The following GRIA4 variants were observed in gnomAD, a reference collection of about 807,000 sequenced individuals.
GRIA4 encodes glutamate receptor 4.
A neutral mutation model predicts 104.0 loss-of-function variants in GRIA4; 34 were observed. The ratio of observed to expected loss-of-function variants is 0.33; its 90% CI spans 0.25 to 0.44. The LOEUF is 0.44. Ranked by LOEUF, GRIA4 falls within the 20% of genes least tolerant of loss-of-function variation. The pLI is 1.00. For missense variants in GRIA4, 750 were observed against 1,096.5 expected, an observed-to-expected ratio of 0.68 and a Z score of 4.46; for synonymous variants, 386 against 381.9, an observed-to-expected ratio of 1.01 and a Z score of -0.13.
intron 11 of GRIA4, among the ~76,000 whole-genome samples, chr11:105,919,172 T>A (rs1006991528): frequency 1.3e-5 from 2 of 152,092 alleles, no homozygotes; most frequent in African/African-American, 4.8e-5. Context: ...TTTTTTTAAT[T>A]GACTTCAGGA....
At chr11:105,876,294 T>G (rs973881358) in intron 5 of GRIA4, among the ~76,000 whole-genome samples, 2 of 152,316 alleles carry the variant, frequency 1.3e-5, no homozygotes, top group African/African-American at 4.8e-5. Context: ...TGTTATGATT[T>G]TTGTTCTTTT....
intron 10 of GRIA4, chr11:105,912,472 G>T: frequency 1.1e-6 from 1 of 934,730 alleles, no homozygotes; most frequent in Non-Finnish European, 1.3e-6. Flanking sequence ...TAGGAAGCAT[G>T]CTATCAAAAA....
At chr11:105,849,953 G>A (rs1224933716) in intron 4 of GRIA4, among the ~76,000 whole-genome samples, 1 of 152,134 alleles carries the variant, frequency 6.6e-6, no homozygotes, top group Non-Finnish European at 1.5e-5. Flanking sequence ...AAACTTGCCA[G>A]TTTTAGAGGT....
chr11:105,905,670 C>T (rs561671882), intron 9 of GRIA4, among the ~76,000 whole-genome samples: 23 of 152,268 alleles, frequency 1.5e-4, no homozygotes, highest in African/African-American at 5.3e-4. Context: ...ATTATTAGAG[C>T]AAGTACAAAC....
Position 105,764,034 on chromosome 11 carries a change from T to C in GRIA4, c.487+10814T>C, listed in dbSNP as rs527415796. On this transcript the variant is annotated intron_variant, in intron 4 of 16. Coordinates refer to ENST00000282499, the MANE Select transcript of GRIA4 (RefSeq NM_000829.4). ...CCCAAACACAATCTTGAAAGGACAA[T>C]TCAGAAATAGTACATAGAATCTGAA... 1.2e-4 allele frequency among the ~76,000 whole-genome samples: 19 copies of C among 152,346 alleles called. No individual in the cohort carries two copies. In the South Asian group the frequency reaches 3.7e-3, roughly 30 times the overall value.
At chr11:105,841,391 C>T (rs1382378781) in intron 4 of GRIA4, among the ~76,000 whole-genome samples, 1 of 152,060 alleles carries the variant, frequency 6.6e-6, no homozygotes, top group Non-Finnish European at 1.5e-5. Flanking sequence ...GCAGAAGGGG[C>T]CAGTTCAGCC....
chr11:105,696,603 T>C (rs1953285736), intron 3 of GRIA4, among the ~76,000 whole-genome samples: 1 of 152,138 alleles, frequency 6.6e-6, no homozygotes, highest in Non-Finnish European at 1.5e-5. Flanking sequence ...ACACTATAAA[T>C]AGCACTCCAT....
intron 5 of GRIA4, among the ~76,000 whole-genome samples, chr11:105,885,596 T>C (rs1479499974): frequency 1.3e-5 from 2 of 152,188 alleles, no homozygotes; most frequent in African/African-American, 4.8e-5. Context: ...TTGGGTTCAG[T>C]CAAGTCAATA....
intron 3 of GRIA4, among the ~76,000 whole-genome samples, chr11:105,672,475 T>C (rs1408326220): frequency 6.6e-6 from 1 of 152,172 alleles, no homozygotes; most frequent in Non-Finnish European, 1.5e-5. Flanking sequence ...GTTACTGTAT[T>C]CAGTTTACTA....
At chr11:105,617,620 G>A (rs1258347091) in intron 3 of GRIA4, among the ~76,000 whole-genome samples, 1 of 152,026 alleles carries the variant, frequency 6.6e-6, no homozygotes, top group East Asian at 1.9e-4. Flanking sequence ...ACTTATTCAT[G>A]AATCATATGA....
At position 105,612,297 on chromosome 11, in the gene GRIA4, C is replaced by A. The variant is rs1458092029; in HGVS notation, c.110C>A (p.Thr37Lys). The stretch of plus-strand genomic sequence containing the variant: ...ATAGGTGGTCTCTTCATCCGAAACA[C>A]AGATCAGGAATACACTGCTTTTCGA... ...VQIGGLFIRN[T>K]DQEYTAFRLA... is the part of the protein sequence containing the mutation. The change falls in exon 3 of 17, where the codon ACA becomes AAA. Residue 37 changes from threonine (T) to lysine (K), a missense_variant. By Grantham distance (78) the Thr-to-Lys change is moderately conservative (BLOSUM62 -1). Coordinates refer to ENST00000282499, the MANE Select transcript of GRIA4 (RefSeq NM_000829.4). 6.2e-7 allele frequency: 1 copy of A among 1,614,104 alleles called. No homozygotes were observed. Among genetic ancestry groups the A allele is most frequent in the Admixed American group, 1.7e-5 (1 of 60,020 alleles).
At chr11:105,825,061 T>G (rs1056819340) in intron 4 of GRIA4, among the ~76,000 whole-genome samples, 2 of 152,098 alleles carry the variant, frequency 1.3e-5, no homozygotes, top group South Asian at 4.1e-4. Flanking sequence ...ATTTATGGTC[T>G]CAAAGATGGA....
intron 3 of GRIA4, among the ~76,000 whole-genome samples, chr11:105,751,327 T>C (rs577288555): frequency 6.6e-6 from 1 of 152,306 alleles, no homozygotes; most frequent in Admixed American, 6.5e-5. Context: ...ACCACTTACA[T>C]ACTTGCATCC....
intron 14 of GRIA4, among the ~76,000 whole-genome samples, chr11:105,963,649 T>C (rs760467026): frequency 2.6e-5 from 4 of 152,108 alleles, no homozygotes; most frequent in Non-Finnish European, 4.4e-5. Context: ...CACAAATATA[T>C]GGATAGCAGT....
At chr11:105,621,249 T>C (rs188007235) in intron 3 of GRIA4, among the ~76,000 whole-genome samples, 13 of 151,830 alleles carry the variant, frequency 8.6e-5, no homozygotes, top group African/African-American at 3.1e-4. Context: ...CCATTTTTTA[T>C]ATTTTTATCT....
At chr11:105,658,216 A>G (rs1439913951) in intron 3 of GRIA4, among the ~76,000 whole-genome samples, 2 of 152,008 alleles carry the variant, frequency 1.3e-5, no homozygotes, top group East Asian at 3.9e-4. Context: ...TTAATAAAAT[A>G]CATATATTTC....
chr11:105,920,501 T>C (rs1166984775), intron 11 of GRIA4, among the ~76,000 whole-genome samples: 1 of 152,146 alleles, frequency 6.6e-6, no homozygotes, highest in African/African-American at 2.4e-5. Context: ...TGAGTTACTT[T>C]CTGAGGCATT....
At chr11:105,706,930 C>G (rs75886625) in intron 3 of GRIA4, 2 of 152,148 alleles carry the variant, frequency 1.3e-5, no homozygotes, top group African/African-American at 4.8e-5. Context: ...GCTTTATATA[C>G]GTCAAAAGGT....
intron 11 of GRIA4, among the ~76,000 whole-genome samples, chr11:105,919,861 T>C (rs1227042537): frequency 6.6e-6 from 1 of 152,184 alleles, no homozygotes; most frequent in Non-Finnish European, 1.5e-5. Flanking sequence ...CTTCAAAATG[T>C]AGTCTGATTA....
Sources: allele counts gnomAD v4.1 joint callset (sites outside exome capture counted in the v4.1 genomes callset), GRCh38; gene constraint gnomAD v4.1.1; transcripts MANE v1.5; gene names NCBI Gene and HGNC (gene_info 2026-07-23, HGNC 2026-07-21).